Variants in ABI3BP observed in about 807,000 individuals in gnomAD.
The protein encoded by ABI3BP is ABI family member 3 binding protein, also known as target of Nesh-SH3.
In ABI3BP, 216 loss-of-function variants were observed where a neutral mutation model predicts 268.6. The ratio of observed to expected loss-of-function variants is 0.80; its 90% CI spans 0.72 to 0.90. ABI3BP has a LOEUF of 0.90. Among genes scored for constraint, ABI3BP ranks in the 40% least tolerant of loss-of-function variants. The pLI, the probability that ABI3BP is intolerant of heterozygous loss-of-function variation, is 0.00. For missense variants in ABI3BP, 2,090 were observed against 2,182.4 expected (o/e 0.96, Z 0.84); for synonymous variants, 730 against 730.0 (o/e 1.00, Z 0.00).
intron 9 of ABI3BP, among the ~76,000 whole-genome samples, chr3:100,874,118 A>C (rs2099136869): frequency 6.6e-6 from 1 of 152,140 alleles, no homozygotes; most frequent in Admixed American, 6.6e-5. Context: ...TATCACCTGG[A>C]AACTTGTCAG....
At chr3:100,890,127 GAAC>G (rs2043859526) in intron 4 of ABI3BP, among the ~76,000 whole-genome samples, 1 of 152,004 alleles carries the variant, frequency 6.6e-6, no homozygotes, top group Non-Finnish European at 1.5e-5. Context: ...GTCCTTCTAC[GAAC>G]TACCCCAGCT....
At chr3:100,779,894 T>A (rs2096819207) in intron 58 of ABI3BP, among the ~76,000 whole-genome samples, 1 of 152,206 alleles carries the variant, frequency 6.6e-6, no homozygotes, top group African/African-American at 2.4e-5. Context: ...AAGTAATGAT[T>A]AAGTTAGTAT....
At chr3:100,961,340 C>A (rs1170489250) in intron 1 of ABI3BP, among the ~76,000 whole-genome samples, 1 of 152,168 alleles carries the variant, frequency 6.6e-6, no homozygotes, top group Non-Finnish European at 1.5e-5. Flanking sequence ...TCCCAGGGCT[C>A]AGGTAGAAAT....
At chr3:100,978,500 C>T (rs1329330683) in intron 1 of ABI3BP, among the ~76,000 whole-genome samples, 1 of 152,102 alleles carries the variant, frequency 6.6e-6, no homozygotes, top group Non-Finnish European at 1.5e-5. Flanking sequence ...TCACAAAAAC[C>T]TTTCAACTGA....
At chr3:100,818,958 G>A (rs185240204) in intron 40 of ABI3BP, among the ~76,000 whole-genome samples, 68 of 152,300 alleles carry the variant, frequency 4.5e-4, no homozygotes, top group Admixed American at 3.2e-3. Context: ...AAATGAGCAC[G>A]AATACAGTCA....
At chr3:100,789,357 AATGT>A in intron 56 of ABI3BP, 93 bp downstream of exon 56, 1 of 1,117,236 alleles carries the variant, frequency 9.0e-7, no homozygotes, top group Non-Finnish European at 1.3e-6. Flanking sequence ...CTCTTATTGC[AATGT>A]AAGGGTTCCC....
intron 1 of ABI3BP, among the ~76,000 whole-genome samples, chr3:100,959,701 TA>T (rs773192454): frequency 2.6e-5 from 4 of 151,490 alleles, no homozygotes; most frequent in Admixed American, 1.3e-4. Context: ...GAACAGACAT[TA>T]AAAAAAATAC....
intron 2 of ABI3BP, among the ~76,000 whole-genome samples, chr3:100,924,587 T>A (rs997064711): frequency 1.3e-5 from 2 of 152,140 alleles, no homozygotes; most frequent in African/African-American, 2.4e-5. Context: ...TGAAGGTTCA[T>A]TTTAATACTC....
intron 2 of ABI3BP, among the ~76,000 whole-genome samples, chr3:100,910,107 C>T (rs570714712): frequency 7.1e-4 from 108 of 152,140 alleles, no homozygotes; most frequent in African/African-American, 2.3e-3. Context: ...ATGTCCTTTG[C>T]GGGGACATGG....
rs769254167 is a variant in ABI3BP at position 100,796,465 on chromosome 3, G to C, written c.3761C>G (p.Pro1254Arg). ...TTTATGAGGAAGGAGCACATCTTTT[G>C]GAGCTGAAAGAAAAAGATTATAAAA... ...SPEVSYTTPA[P>R]KDVLLPHKPY... The change falls in exon 52 of 68, where the codon CCA becomes CGA. Residue 1254 changes from proline to arginine, a missense_variant. By Grantham distance (103) the Pro-to-Arg change is moderately radical. Coordinates refer to ENST00000471714, the MANE Select transcript of ABI3BP (RefSeq NM_001375547.2). The C allele has an allele frequency of 1.3e-6, 2 of 1,599,912 alleles. No individual in the cohort carries two copies. The highest frequency in any genetic ancestry group is 2.7e-5 in the African/African-American group (2 of 74,268).
intron 2 of ABI3BP, among the ~76,000 whole-genome samples, chr3:100,914,039 A>G (rs904438650): frequency 6.6e-6 from 1 of 152,228 alleles, no homozygotes; most frequent in Admixed American, 6.5e-5. Flanking sequence ...AGGAAAAAAA[A>G]TAATTAGAGG....
At chr3:100,797,526 G>C (rs1418272183) in intron 51 of ABI3BP, among the ~76,000 whole-genome samples, 1 of 150,588 alleles carries the variant, frequency 6.6e-6, no homozygotes, top group Non-Finnish European at 1.5e-5. Flanking sequence ...TATGATTCAG[G>C]CTAGAACTCT....
chr3:100,749,794 A>C lies in ABI3BP; in HGVS notation c.*701T>G. On this transcript the variant is annotated 3_prime_UTR_variant, in exon 68 of 68. Coordinates refer to ENST00000471714, the MANE Select transcript of ABI3BP (RefSeq NM_001375547.2). ...AGCATATTCAGATATTGTAACATTT[A>C]TGGTGGGTAAAAATGTATCTTTTGA... 1 of 397,878 alleles carries C rather than the reference A, an allele frequency of 2.5e-6. No homozygotes were observed. The highest frequency in any genetic ancestry group is 4.4e-6 in the Non-Finnish European group (1 of 225,566). The allele number at this position is 397,878 out of a possible 1,614,324, so 24.6% of individuals were successfully genotyped here.
intron 57 of ABI3BP, among the ~76,000 whole-genome samples, chr3:100,784,007 T>C (rs1480804033): frequency 1.3e-5 from 2 of 152,170 alleles, no homozygotes; most frequent in Non-Finnish European, 2.9e-5. Flanking sequence ...AATGACCCAC[T>C]TTAGACCTCA....
chr3:100,981,511 C>T (rs1479610955), intron 1 of ABI3BP, among the ~76,000 whole-genome samples: 2 of 152,122 alleles, frequency 1.3e-5, no homozygotes, highest in Non-Finnish European at 2.9e-5. Context: ...CACAATCAAA[C>T]CAATCCAGTA....
At chr3:100,768,259 T>G (rs965331852) in intron 62 of ABI3BP, among the ~76,000 whole-genome samples, 8 of 151,954 alleles carry the variant, frequency 5.3e-5, no homozygotes, top group Non-Finnish European at 8.8e-5. Flanking sequence ...CGGCTAATTT[T>G]TTGTATTTTT....
chr3:100,911,496 CT>C (rs967546236), intron 2 of ABI3BP: 122 of 428,096 alleles, frequency 2.8e-4, no homozygotes, highest in South Asian at 4.1e-4. Context: ...TTGTTTTTCA[CT>C]TTTTTTTGCA....
chr3:100,772,528 G>C (rs1016847253), intron 61 of ABI3BP, among the ~76,000 whole-genome samples: 1 of 152,178 alleles, frequency 6.6e-6, no homozygotes, highest in Non-Finnish European at 1.5e-5. Context: ...ATTATCACTA[G>C]ACGGCAGATT....
intron 1 of ABI3BP, among the ~76,000 whole-genome samples, chr3:100,937,770 T>G (rs1291506389): frequency 6.6e-6 from 1 of 152,098 alleles, no homozygotes; most frequent in Non-Finnish European, 1.5e-5. Context: ...TGCTCTGCTT[T>G]GACAGCAGGT....
Sources: allele counts gnomAD v4.1 joint callset (sites outside exome capture counted in the v4.1 genomes callset), GRCh38; gene constraint gnomAD v4.1.1; transcripts MANE v1.5; gene names NCBI Gene and HGNC (gene_info 2026-07-23, HGNC 2026-07-21).